ARHGEF38: variants seen among roughly 807,000 people sequenced by gnomAD.
The protein encoded by ARHGEF38 is Rho guanine nucleotide exchange factor 38.
Under a neutral mutation model 79.9 loss-of-function variants are expected in ARHGEF38, and 79 were observed. The observed-to-expected ratio is 0.99, with a 90% CI of 0.82 to 1.19. The LOEUF (loss-of-function observed/expected upper bound fraction) is 1.19. Among genes scored for constraint, ARHGEF38 ranks in the 50% most tolerant of loss-of-function variants. ARHGEF38 has a pLI of 0.00. For synonymous variants in ARHGEF38, 366 were observed against 328.3 expected (o/e 1.11, Z -1.24); for missense variants, 962 against 907.2 (o/e 1.06, Z -0.78).
intron 2 of ARHGEF38, among the ~76,000 whole-genome samples, chr4:105,604,988 A>G (rs1227292129): frequency 6.6e-6 from 1 of 152,148 alleles, no homozygotes; most frequent in Admixed American, 6.6e-5. Flanking sequence ...TTTCTAAACA[A>G]TTTCTGAAAA....
chr4:105,589,546 C>A, intron 2 of ARHGEF38, 111 bp downstream of exon 2: 1 of 920,934 alleles, frequency 1.1e-6, no homozygotes, highest in East Asian at 2.6e-5. Context: ...CCTTTCTCCC[C>A]AAAACAGCAC....
intron 1 of ARHGEF38, among the ~76,000 whole-genome samples, chr4:105,571,249 G>A (rs184581865): frequency 2.0e-5 from 3 of 150,546 alleles, no homozygotes; most frequent in East Asian, 3.9e-4. Flanking sequence ...GGAAAAATTT[G>A]TTATTAAAAT....
intron 2 of ARHGEF38, among the ~76,000 whole-genome samples, chr4:105,595,092 A>G (rs1727519093): frequency 6.6e-6 from 1 of 152,084 alleles, no homozygotes; most frequent in African/African-American, 2.4e-5. Flanking sequence ...TTTTTTAATT[A>G]TTTTCAGTTG....
intron 1 of ARHGEF38, among the ~76,000 whole-genome samples, chr4:105,574,677 TA>T (rs1346212538): frequency 1.3e-5 from 2 of 152,174 alleles, no homozygotes; most frequent in Non-Finnish European, 2.9e-5. Context: ...ATATGGCTTT[TA>T]TTATGTTAAG....
At position 105,648,556 on chromosome 4, in the gene ARHGEF38, A is replaced by C. The variant is rs1729951898; in HGVS notation, c.882A>C (p.Lys294Asn). 6.6e-7 allele frequency: 1 copy of C among 1,511,714 alleles called. No homozygotes were observed. The allele number at this position is 1,511,714 out of a possible 1,614,324, so 93.6% of individuals were successfully genotyped here. ...ELKRRKDLVLKYKKNDEDESL... is the reference protein window; with the variant it reads ...ELKRRKDLVLNYKKNDEDESL... ...TACATTCTTCCTTTTCAGTTCTAAAATACAAGAAGAATGACGAGGATGAAT... is the reference window on the plus strand; with the variant it reads ...TACATTCTTCCTTTTCAGTTCTAAACTACAAGAAGAATGACGAGGATGAAT... Residue 294 changes from lysine to asparagine, a missense_variant, in exon 7 of 14, where the codon AAA (lysine) becomes AAC (asparagine). Transcript: ENST00000420470.
chr4:105,651,286 T>C (rs965912495), intron 7 of ARHGEF38, among the ~76,000 whole-genome samples: 1 of 152,234 alleles, frequency 6.6e-6, no homozygotes, highest in African/African-American at 2.4e-5. Context: ...GAAAATCAGC[T>C]GCATAGGCTG....
At chr4:105,559,511 G>A (rs1725414714) in intron 1 of ARHGEF38, among the ~76,000 whole-genome samples, 1 of 152,134 alleles carries the variant, frequency 6.6e-6, no homozygotes, top group Non-Finnish European at 1.5e-5. Flanking sequence ...AGATTAGGTA[G>A]GAGTGCGTGT....
chr4:105,626,759 T>C (rs757819535), intron 3 of ARHGEF38, among the ~76,000 whole-genome samples: 4 of 152,026 alleles, frequency 2.6e-5, no homozygotes, highest in Non-Finnish European at 5.9e-5. Flanking sequence ...AATCCATCGG[T>C]GCTTCACCAT....
chr4:105,638,318 A>G (rs2110528824), intron 5 of ARHGEF38, among the ~76,000 whole-genome samples: 1 of 152,270 alleles, frequency 6.6e-6, no homozygotes, highest in East Asian at 1.9e-4. Flanking sequence ...CAAACATCAG[A>G]CAGTATTAAA....
chr4:105,568,118 T>C (rs1726030454), intron 1 of ARHGEF38, among the ~76,000 whole-genome samples: 1 of 151,762 alleles, frequency 6.6e-6, no homozygotes, highest in African/African-American at 2.4e-5. Context: ...GAACTCATCA[T>C]TTTTTATGGC....
intron 1 of ARHGEF38, among the ~76,000 whole-genome samples, chr4:105,563,102 C>G (rs1190498000): frequency 6.6e-6 from 1 of 152,148 alleles, no homozygotes; most frequent in Non-Finnish European, 1.5e-5. Context: ...GCTGGTTGCA[C>G]TCCCGGCAGC....
rs113376637 is a variant in ARHGEF38, at chr4:105,680,083, T to C, written c.*2146T>C. 14 of 762,462 alleles carry C rather than the reference T, an allele frequency of 1.8e-5. No homozygotes were observed. The African/African-American group carries it at 1.9e-4, about 10-fold the overall frequency. 47.2% of individuals were successfully genotyped at this position (762,462 alleles called of 1,614,324 possible). A position where few individuals can be genotyped will look rare whatever the true frequency, so the allele number is the denominator to read the frequency against. On this transcript the variant is annotated 3_prime_UTR_variant, in exon 14 of 14. Transcript: ENST00000420470. ...CCCTCCCTTCAGATCCACTGTAGAC[T>C]TGAAGGACATCTCATTTTCATCTGT... is the stretch of plus-strand genomic sequence containing the variant.
chr4:105,630,236 C>T (rs1451103919), intron 3 of ARHGEF38, among the ~76,000 whole-genome samples: 1 of 149,734 alleles, frequency 6.7e-6, no homozygotes, highest in Non-Finnish European at 1.5e-5. Context: ...CACACCAACT[C>T]TAAACTGCAA....
intron 1 of ARHGEF38, among the ~76,000 whole-genome samples, chr4:105,578,730 C>T (rs375387798): frequency 2.0e-5 from 3 of 152,088 alleles, no homozygotes; most frequent in African/African-American, 7.2e-5. Flanking sequence ...CATTCCTGTT[C>T]GCTTTGGTTT....
intron 1 of ARHGEF38, among the ~76,000 whole-genome samples, chr4:105,581,733 C>T (rs1726798568): frequency 6.6e-6 from 1 of 152,040 alleles, no homozygotes; most frequent in African/African-American, 2.4e-5. Context: ...GTTTTTTAAA[C>T]CTATTAAGTA....
chr4:105,591,167 A>G (rs146871034), intron 2 of ARHGEF38, among the ~76,000 whole-genome samples: 12 of 152,252 alleles, frequency 7.9e-5, no homozygotes, highest in Middle Eastern at 3.4e-3. Context: ...CATGCCCCCA[A>G]CTATTTACAA....
rs1470675304 is a variant in ARHGEF38 at position 105,666,232 on chromosome 4, T to C, written c.1601T>C (p.Ile534Thr). The C allele has an allele frequency of 3.3e-6, 5 of 1,535,502 alleles. No homozygotes were observed. Among genetic ancestry groups the C allele is most frequent in the Admixed American group, 3.9e-5 (2 of 50,904 alleles). Reference sequence around the variant, plus strand: ...ATTCAGAATCAAGTACTAGAAGAGATCCAAAATTTGAATTGTGTGAAAGAA... The same window carrying C: ...ATTCAGAATCAAGTACTAGAAGAGACCCAAAATTTGAATTGTGTGAAAGAA... ...SEIQNQVLEE[I>T]QNLNCVKENS... Residue 534 changes from isoleucine (I) to threonine (T), a missense_variant, in exon 11 of 14, where the codon ATC (isoleucine) becomes ACC (threonine). Transcript: ENST00000420470.
chr4:105,563,641 A>G (rs1348776699), intron 1 of ARHGEF38, among the ~76,000 whole-genome samples: 2 of 145,636 alleles, frequency 1.4e-5, no homozygotes, highest in African/African-American at 5.1e-5. Context: ...TTTTTCAACC[A>G]TCATGCAGTT....
Position 105,674,348 on chromosome 4 carries a change from CAGA to C in ARHGEF38, c.2149-3397_2149-3395del, listed in dbSNP as rs573942056. 9.9e-5 allele frequency among the ~76,000 whole-genome samples: 15 copies of C among 152,122 alleles called. No homozygotes were observed. The South Asian group carries it at 1.2e-3, about 13-fold the overall frequency. On this transcript the variant is annotated intron_variant, in intron 13 of 13. Transcript: ENST00000420470. ...CATTTTAAAAAGTGCCAAGGAAAAACAGAAGAAGATTAGGTGATTATGGCTCAA... is the reference window on the plus strand; with the variant it reads ...CATTTTAAAAAGTGCCAAGGAAAAACAGAAGATTAGGTGATTATGGCTCAA...
Sources: gnomAD v4.1 joint callset for allele counts (sites outside exome capture counted in the v4.1 genomes callset) on GRCh38, gnomAD v4.1.1 for gene constraint, MANE v1.5 for transcripts, NCBI Gene and HGNC (gene_info 2026-07-23, HGNC 2026-07-21) for gene names.